SCARF1: variants seen among roughly 807,000 people sequenced by gnomAD.
The protein encoded by SCARF1 is acetyl LDL receptor.
Under a neutral mutation model 76.3 loss-of-function variants are expected in SCARF1, and 49 were observed. The ratio of observed to expected loss-of-function variants is 0.64; its 90% CI spans 0.51 to 0.81. The LOEUF is 0.81. Among genes scored for constraint, SCARF1 ranks in the 40% least tolerant of loss-of-function variants. SCARF1 has a pLI of 0.00. For missense variants in SCARF1, 1,098 were observed against 1,143.9 expected (o/e 0.96, Z 0.58); for synonymous variants, 495 against 474.6 (o/e 1.04, Z -0.56).
chr17:1,634,592 C>T lies in SCARF1; in HGVS notation c.*166G>A, dbSNP rs1909355799. The stretch of plus-strand genomic sequence containing the variant: ...GTCTCTGCCCAGGCCTTCCTGGGCC[C>T]CTCCGGGAGCACTGCCAGGGGCCTG... On this transcript the variant is annotated 3_prime_UTR_variant, in exon 11 of 11. Transcript: ENST00000263071. The T allele has an allele frequency of 4.3e-6, 4 of 923,370 alleles. No individual in the cohort carries two copies. The highest frequency in any genetic ancestry group is 6.3e-6 in the Non-Finnish European group (4 of 635,040). 57.2% of individuals were successfully genotyped at this position (923,370 alleles called of 1,614,324 possible).
At position 1,637,360 on chromosome 17, in the gene SCARF1, CTATCTATCTA is replaced by C. The variant is rs1448450276; in HGVS notation, c.1365-308_1365-299del. ...TCTATCTATCTATCTATCTATCTAT[CTATCTATCTA>C]TATCTATCCATCTATCTATCATCTA... On this transcript the variant is annotated intron_variant, in intron 8 of 10. Coordinates refer to ENST00000263071, the MANE Select transcript of SCARF1 (RefSeq NM_003693.4). 8.5e-3 allele frequency among the ~76,000 whole-genome samples: 1,279 copies of C among 149,866 alleles called. 5 individuals carry two copies. The highest frequency in any genetic ancestry group is 0.017 in the African/African-American group (672 of 40,248).
At position 1,644,981 on chromosome 17, in the gene SCARF1, G is replaced by A. The variant is rs750945498; in HGVS notation, c.164-46C>T. On this transcript the variant is annotated intron_variant, in intron 2 of 10. Transcript: ENST00000263071. The surrounding 1 kb of genome is among the most constrained non-coding windows in gnomAD (Gnocchi z 4.8). ...GTTGGAAAGACGGGAGCAGGACCAG[G>A]GGACACCCCTGCCCTCTCACTGGCT... 6.3e-7 allele frequency: 1 copy of A among 1,593,944 alleles called. No individual in the cohort carries two copies. The highest frequency in any genetic ancestry group is 8.6e-7 in the Non-Finnish European group (1 of 1,168,202).
Position 1,645,546 on chromosome 17 carries a change from C to G in SCARF1, c.101+51G>C. 1 of 1,573,712 alleles carries G rather than the reference C, an allele frequency of 6.4e-7. No individual in the cohort carries two copies. Among genetic ancestry groups the G allele is most frequent in the Non-Finnish European group, 8.6e-7 (1 of 1,165,800 alleles). Reference sequence around the variant, plus strand: ...CCGGTTCAGCCACCCGCATCAGACTCCCACGAGACCCACCTGCTGGCCACA... The same window carrying G: ...CCGGTTCAGCCACCCGCATCAGACTGCCACGAGACCCACCTGCTGGCCACA... On this transcript the variant is annotated intron_variant, in intron 1 of 10. Coordinates refer to ENST00000263071, the MANE Select transcript of SCARF1 (RefSeq NM_003693.4). The surrounding 1 kb of genome is among the most constrained non-coding windows in gnomAD (Gnocchi z 6.3).
In SCARF1 at chr17:1,635,281, G is replaced by A. The variant is rs1330424130; in HGVS notation, c.1970C>T (p.Ala657Val). 3 of 1,612,210 alleles carry A rather than the reference G, an allele frequency of 1.9e-6. No individual in the cohort carries two copies. The highest frequency in any genetic ancestry group is 1.3e-5 in the African/African-American group (1 of 75,044). The stretch of plus-strand genomic sequence containing the variant: ...AAGTGGGGGCCGCCGGTGGCCAGTG[G>A]CTGAATCCCCGGGACTGGCAGCCGC... ...FPAAASPGDS[A>V]TGHRRPPLGG... The change falls in exon 11 of 11, where the codon GCC becomes GTC. Residue 657 changes from alanine to valine, a missense_variant. Ala to Val is a moderately conservative substitution (Grantham distance 64). Transcript: ENST00000263071.
chr17:1,643,419 C>G, intron 4 of SCARF1, 23 bp downstream of exon 4: 2 of 1,202,588 alleles, frequency 1.7e-6, no homozygotes, highest in Non-Finnish European at 2.1e-6. Flanking sequence ...GCCAGCCCAC[C>G]TGTCCCCGCC....
Position 1,645,660 on chromosome 17 carries a change from C to T in SCARF1, c.38G>A (p.Trp13Ter). The T allele has an allele frequency of 6.2e-7, 1 of 1,606,672 alleles. No individual in the cohort carries two copies. The highest frequency in any genetic ancestry group is 1.1e-5 in the South Asian group (1 of 90,458). Reference sequence around the variant, plus strand: ...CTCGGACCCCTGAGTCCCCCGAGTCCAGAGCAGCAGCAGCGGGAGCAGCAG... The same window carrying T: ...CTCGGACCCCTGAGTCCCCCGAGTCTAGAGCAGCAGCAGCGGGAGCAGCAG... ...LGLLLPLLLL[W>*]TRGTQGSELD... The change falls in exon 1 of 11, where the codon TGG becomes TAG. Residue 13 changes from tryptophan to a stop codon, truncating the protein, a stop_gained. Coordinates refer to ENST00000263071, the MANE Select transcript of SCARF1 (RefSeq NM_003693.4). LOFTEE classifies it high-confidence loss of function. This position sits in a 1 kb window ranked among gnomAD's most constrained non-coding sequence, Gnocchi z 6.3.
intron 8 of SCARF1, 60 bp downstream of exon 8, chr17:1,638,746 G>A: frequency 7.0e-7 from 1 of 1,434,356 alleles, no homozygotes; most frequent in South Asian, 1.4e-5. Flanking sequence ...GAAACCAGAT[G>A]CCCCCCTGCT....
chr17:1,639,174 A>G (rs1286709204), intron 7 of SCARF1, among the ~76,000 whole-genome samples: 6 of 152,084 alleles, frequency 3.9e-5, no homozygotes, highest in African/African-American at 1.4e-4. Flanking sequence ...TCACATCTTC[A>G]GGGGGCCCCA....
At position 1,645,545 on chromosome 17, in the gene SCARF1, T is replaced by G; in HGVS notation, c.101+52A>C. ...ACCGGTTCAGCCACCCGCATCAGACTCCCACGAGACCCACCTGCTGGCCAC... is the reference window on the plus strand; with the variant it reads ...ACCGGTTCAGCCACCCGCATCAGACGCCCACGAGACCCACCTGCTGGCCAC... On this transcript the variant is annotated intron_variant, in intron 1 of 10. Coordinates refer to ENST00000263071, the MANE Select transcript of SCARF1 (RefSeq NM_003693.4). The surrounding 1 kb of genome is among the most constrained non-coding windows in gnomAD (Gnocchi z 6.3). 6.4e-7 allele frequency: 1 copy of G among 1,572,384 alleles called. No homozygotes were observed. Among genetic ancestry groups the G allele is most frequent in the Non-Finnish European group, 8.6e-7 (1 of 1,165,396 alleles).
chr17:1,639,823 G>C (rs1909884029), intron 6 of SCARF1, 81 bp from the exon 7 acceptor site: 5 of 1,608,580 alleles, frequency 3.1e-6, no homozygotes, highest in Non-Finnish European at 4.3e-6. Flanking sequence ...GAGATTTCTG[G>C]GCACTGTCCA....
At chr17:1,638,689 C>G (rs944360680) in intron 8 of SCARF1, 117 bp downstream of exon 8, 15 of 1,337,912 alleles carry the variant, frequency 1.1e-5, no homozygotes, top group Non-Finnish European at 1.5e-5. Flanking sequence ...ACCCCCATCA[C>G]CTCTGACCCA....
intron 7 of SCARF1, 135 bp from the exon 8 acceptor site, chr17:1,639,061 G>T: frequency 1.1e-6 from 1 of 899,972 alleles, no homozygotes; most frequent in Non-Finnish European, 1.6e-6. Context: ...CTCTGCTGGC[G>T]TGTCCCCTCC....
intron 4 of SCARF1, among the ~76,000 whole-genome samples, chr17:1,642,907 G>A (rs1385721230): frequency 6.6e-6 from 1 of 152,070 alleles, no homozygotes; most frequent in African/African-American, 2.4e-5. Context: ...TCAGCATGTT[G>A]GCCAGGATGG....
intron 10 of SCARF1, among the ~76,000 whole-genome samples, 170 bp from the exon 11 acceptor site, chr17:1,635,787 T>C (rs72820371): frequency 1.2e-4 from 2 of 16,442 alleles, no homozygotes; most frequent in African/African-American, 2.1e-4. Context: ...CTTCTACACT[T>C]TTTTTTTTTT....
In SCARF1 at chr17:1,644,956, G is replaced by T; in HGVS notation, c.164-21C>A. On this transcript the variant is annotated intron_variant, in intron 2 of 10. Coordinates refer to ENST00000263071, the MANE Select transcript of SCARF1 (RefSeq NM_003693.4). This position sits in a 1 kb window ranked among gnomAD's most constrained non-coding sequence, Gnocchi z 4.8. ...GATGGCTGAAAGACACCCCACCCAG[G>T]TTGGAAAGACGGGAGCAGGACCAGG... The T allele has an allele frequency of 1.2e-6, 2 of 1,609,840 alleles. No homozygotes were observed. Among genetic ancestry groups the T allele is most frequent in the Non-Finnish European group, 1.7e-6 (2 of 1,178,348 alleles).
Position 1,643,935 on chromosome 17 carries a change from G to T in SCARF1, c.298C>A (p.Arg100Ser). 1 of 1,352,382 alleles carries T rather than the reference G, an allele frequency of 7.4e-7. No homozygotes were observed. Among genetic ancestry groups the T allele is most frequent in the East Asian group, 3.1e-5 (1 of 32,656 alleles). The allele number at this position is 1,352,382 out of a possible 1,614,324, so 83.8% of individuals were successfully genotyped here. A position where few individuals can be genotyped will look rare whatever the true frequency, so the allele number is the denominator to read the frequency against. The change falls in exon 4 of 11, where the codon CGT becomes AGT. Residue 100 changes from arginine (R) to serine (S), a missense_variant. Coordinates refer to ENST00000263071, the MANE Select transcript of SCARF1 (RefSeq NM_003693.4). Reference sequence around the variant, plus strand: ...TGCGGGTGGCAGGGGCAGCTCTCACGGCAGTCGGGGCCCCAGTACTGGCCC... The same window carrying T: ...TGCGGGTGGCAGGGGCAGCTCTCACTGCAGTCGGGGCCCCAGTACTGGCCC... ...CPGQYWGPDC[R>S]ESCPCHPHGQ...
intron 10 of SCARF1, among the ~76,000 whole-genome samples, chr17:1,636,442 G>T (rs952012898): frequency 6.6e-6 from 1 of 152,028 alleles, no homozygotes; most frequent in East Asian, 1.9e-4. Context: ...GGTGAAACCC[G>T]GTCTCTACTA....
chr17:1,634,946 T>C lies in SCARF1; in HGVS notation c.2305A>G (p.Met769Val), dbSNP rs779421859. Residue 769 changes from methionine (M) to valine (V), a missense_variant, in exon 11 of 11, where the codon ATG (methionine) becomes GTG (valine). By Grantham distance (21) the Met-to-Val change is conservative. Transcript: ENST00000263071. ...KAGLPGATGPMAVRPEEAVRG... is the reference protein window; with the variant it reads ...KAGLPGATGPVAVRPEEAVRG... Reference sequence around the variant, plus strand: ...ACCGCTTCCTCTGGTCTGACTGCCATAGGCCCTGTGGCCCCAGGAAGCCCA... The same window carrying C: ...ACCGCTTCCTCTGGTCTGACTGCCACAGGCCCTGTGGCCCCAGGAAGCCCA... The C allele has an allele frequency of 1.5e-4, 234 of 1,613,458 alleles. 1 individual carries two copies. In the South Asian group the frequency reaches 1.7e-3, roughly 12 times the overall value.
At position 1,640,247 on chromosome 17, in the gene SCARF1, G is replaced by C. The variant is rs961102563; in HGVS notation, c.1010+201C>G. 7.2e-5 allele frequency: 55 copies of C among 767,710 alleles called. No homozygotes were observed. The African/African-American group carries it at 8.8e-4, about 12-fold the overall frequency. 47.6% of individuals were successfully genotyped at this position (767,710 alleles called of 1,614,324 possible). On this transcript the variant is annotated intron_variant, in intron 5 of 10. Coordinates refer to ENST00000263071, the MANE Select transcript of SCARF1 (RefSeq NM_003693.4). This position sits in a 1 kb window ranked among gnomAD's most constrained non-coding sequence, Gnocchi z 4.7. ...AAGTCCCCAGAGGGCGAGGAGGGCA[G>C]GAAGCCTCAGAGGGGAGGGAGCTGG...
Sources: allele counts gnomAD v4.1 joint callset (sites outside exome capture counted in the v4.1 genomes callset), GRCh38; gene constraint gnomAD v4.1.1; non-coding constraint Gnocchi (gnomAD v3.1); transcripts MANE v1.5; gene names NCBI Gene and HGNC (gene_info 2026-07-23, HGNC 2026-07-21).